Variants in ATR observed in about 807,000 individuals in gnomAD.
ATR encodes the protein ATR checkpoint kinase, also known as serine/threonine-protein kinase ATR.
A neutral mutation model predicts 305.3 loss-of-function variants in ATR; 142 were observed. The ratio of observed to expected loss-of-function variants is 0.47; its 90% CI spans 0.41 to 0.53. The LOEUF (loss-of-function observed/expected upper bound fraction) is 0.53, where lower values mean the gene tolerates loss of function less well. ATR is among the 20% of genes least tolerant of loss of function. The pLI is 0.00. For missense variants in ATR, 2,135 were observed against 3,133.1 expected (o/e 0.68, Z 7.60); for synonymous variants, 1,050 against 1,068.1 (o/e 0.98, Z 0.33).
chr3:142,493,038 C>A, intron 35 of ATR, 94 bp downstream of exon 35: 1 of 1,394,758 alleles, frequency 7.2e-7, no homozygotes. Flanking sequence ...AAAAAATTTC[C>A]TGGTTATTTT....
chr3:142,492,036 T>C (rs2031310649), intron 35 of ATR, among the ~76,000 whole-genome samples: 1 of 152,220 alleles, frequency 6.6e-6, no homozygotes, highest in Non-Finnish European at 1.5e-5. Flanking sequence ...CATTGTCAAG[T>C]TTTAGATTTT....
Position 142,473,186 on chromosome 3 carries a change from T to C in ATR, c.6222-3003A>G, listed in dbSNP as rs556393338. Among the ~76,000 whole-genome samples the C allele has an allele frequency of 1.2e-4, 18 of 152,354 alleles. 1 individual carries two copies. In the South Asian group the frequency reaches 3.5e-3, roughly 30 times the overall value. On this transcript the variant is annotated intron_variant, in intron 36 of 46. Coordinates refer to ENST00000350721, the MANE Select transcript of ATR (RefSeq NM_001184.4). ...AAAATTATTGCCCAAACCAATGCCATGAACCTTTTCCTCTATGTTTTCTTC... is the reference window on the plus strand; with the variant it reads ...AAAATTATTGCCCAAACCAATGCCACGAACCTTTTCCTCTATGTTTTCTTC...
rs755436767 is a variant in ATR at position 142,568,088 on chromosome 3, G to A, written c.126C>T (p.Asp42=). The A allele has an allele frequency of 6.2e-7, 1 of 1,611,520 alleles. No homozygotes were observed. Among genetic ancestry groups the A allele is most frequent in the Non-Finnish European group, 8.5e-7 (1 of 1,178,276 alleles). ...KPRQILCQFI[D]RILTDVNVVA... ...CAACATTTACATCTGTAAGTATCCGGTCAATGAATTGACACAGAATTTGTC... is the reference window on the plus strand; with the variant it reads ...CAACATTTACATCTGTAAGTATCCGATCAATGAATTGACACAGAATTTGTC... Residue 42 remains aspartate (D), a synonymous_variant, in exon 2 of 47, where the codon GAC becomes GAT. Coordinates refer to ENST00000350721, the MANE Select transcript of ATR (RefSeq NM_001184.4).
intron 1 of ATR, among the ~76,000 whole-genome samples, chr3:142,573,572 T>A (rs1168721926): frequency 6.6e-6 from 1 of 151,398 alleles, no homozygotes; most frequent in East Asian, 1.9e-4. Context: ...AACTTAGTGC[T>A]ATGTATCTTA....
At chr3:142,519,929 GT>G (rs1054525635) in intron 23 of ATR, 145 bp from the exon 24 acceptor site, 27 of 683,810 alleles carry the variant, frequency 3.9e-5, no homozygotes, top group Non-Finnish European at 5.6e-5. Context: ...CATGGATGCT[GT>G]TTTTTTTGTC....
rs767562431 is a variant in ATR, at chr3:142,562,519, ATGG to A, written c.880_882del (p.Pro294del). ...AATAGTGTCTTTATCAGCTTTGATA[ATGG>A]CTCTTCATAGAGTTTCAATTGGTCA... On this transcript the variant is annotated inframe_deletion, in exon 4 of 47. Transcript: ENST00000350721. 6.2e-7 allele frequency: 1 copy of A among 1,613,860 alleles called. No homozygotes were observed. Among genetic ancestry groups the A allele is most frequent in the South Asian group, 1.1e-5 (1 of 91,070 alleles).
At chr3:142,522,267 T>C (rs1206451107) in intron 23 of ATR, among the ~76,000 whole-genome samples, 1 of 152,210 alleles carries the variant, frequency 6.6e-6, no homozygotes, top group Non-Finnish European at 1.5e-5. Flanking sequence ...GACTATAGTA[T>C]AGTGTAAACA....
Position 142,505,308 on chromosome 3 carries a change from G to T in ATR, c.5032-5C>A, listed in dbSNP as rs1345635043. On this transcript the variant is annotated splice_polypyrimidine_tract_variant and splice_region_variant and intron_variant, in intron 28 of 46. Coordinates refer to ENST00000350721, the MANE Select transcript of ATR (RefSeq NM_001184.4). The stretch of plus-strand genomic sequence containing the variant: ...ATGCATAGCAGCATACAATTTCTTT[G>T]TTCAATGATTAAAAAACAATCAAAA... 1 of 1,612,758 alleles carries T rather than the reference G, an allele frequency of 6.2e-7. No individual in the cohort carries two copies. The highest frequency in any genetic ancestry group is 1.3e-5 in the African/African-American group (1 of 74,762).
intron 21 of ATR, among the ~76,000 whole-genome samples, chr3:142,528,480 A>G (rs2033489520): frequency 6.6e-6 from 1 of 152,080 alleles, no homozygotes; most frequent in Non-Finnish European, 1.5e-5. Flanking sequence ...TTTCAGCTTC[A>G]GTTCTATTTT....
At chr3:142,451,764 CTATT>C in intron 46 of ATR, 1 of 1,168,398 alleles carries the variant, frequency 8.6e-7, no homozygotes, top group South Asian at 1.8e-5. Context: ...AAAACAAAAA[CTATT>C]TGTAGAGACC....
At chr3:142,490,504 A>C (rs949802539) in intron 35 of ATR, among the ~76,000 whole-genome samples, 40 of 152,230 alleles carry the variant, frequency 2.6e-4, no homozygotes, top group African/African-American at 9.4e-4. Context: ...AAAGGTTTTA[A>C]CTTTGATGAA....
intron 36 of ATR, among the ~76,000 whole-genome samples, chr3:142,479,175 C>A (rs145694776): frequency 0.017 from 2,535 of 152,198 alleles, 22 homozygotes; most frequent in Non-Finnish European, 0.028. Context: ...GCAGTTTCTT[C>A]CTAGCATCGA....
chr3:142,527,270 C>T (rs1337454988), intron 21 of ATR, among the ~76,000 whole-genome samples: 2 of 151,956 alleles, frequency 1.3e-5, no homozygotes, highest in African/African-American at 4.8e-5. Flanking sequence ...TTCCTATACT[C>T]CAGGACAATT....
At position 142,512,309 on chromosome 3, in the gene ATR, A is replaced by G. The variant is rs2108371359; in HGVS notation, c.4803T>C (p.Ala1601=). ...WARHKFQALK[A]EKCPHSKSNR... ...TTGATTTGCTGTGTGGACATTTCTC[A>G]GCTTTCAGTGCCTGAAATTTGTGCC... Residue 1601 remains alanine, a synonymous_variant, in exon 27 of 47, where the codon GCT becomes GCC. Transcript: ENST00000350721. 1.2e-6 allele frequency: 2 copies of G among 1,613,366 alleles called. No homozygotes were observed. The highest frequency in any genetic ancestry group is 1.7e-6 in the Non-Finnish European group (2 of 1,179,922).
rs781441873 is a variant in ATR, at chr3:142,553,744, G to C, written c.2533-4C>G. The C allele has an allele frequency of 1.2e-6, 2 of 1,611,440 alleles. No individual in the cohort carries two copies. The highest frequency in any genetic ancestry group is 1.7e-5 in the Admixed American group (1 of 59,980). The stretch of plus-strand genomic sequence containing the variant: ...CCTTCATTCTTAAGACAAAAAGCTA[G>C]AACAATAAAATTAACTGGTTAAAGA... On this transcript the variant is annotated splice_region_variant and splice_polypyrimidine_tract_variant and intron_variant, in intron 11 of 46. Transcript: ENST00000350721.
At chr3:142,535,312 A>G (rs1405310850) in intron 20 of ATR, 107 bp from the exon 21 acceptor site, 2 of 1,290,592 alleles carry the variant, frequency 1.5e-6, no homozygotes, top group Non-Finnish European at 2.2e-6. Context: ...TACCAAACCA[A>G]TTTTTTAAAG....
At chr3:142,490,548 T>A (rs1168840633) in intron 35 of ATR, among the ~76,000 whole-genome samples, 1 of 152,262 alleles carries the variant, frequency 6.6e-6, no homozygotes, top group African/African-American at 2.4e-5. Context: ...AAATGCTTAA[T>A]GCTTTGTGTG....
intron 15 of ATR, among the ~76,000 whole-genome samples, 172 bp downstream of exon 15, chr3:142,549,307 A>G (rs1256662045): frequency 1.3e-5 from 2 of 152,202 alleles, no homozygotes; most frequent in African/African-American, 4.8e-5. Flanking sequence ...CAAAAGGAGA[A>G]TTCTATTTAA....
chr3:142,559,432 G>A lies in ATR; in HGVS notation c.1551C>T (p.Phe517=). 6.2e-7 allele frequency: 1 copy of A among 1,613,408 alleles called. No individual in the cohort carries two copies. The highest frequency in any genetic ancestry group is 1.7e-4 in the Middle Eastern group (1 of 5,912). The change falls in exon 7 of 47, where the codon TTC becomes TTT. Residue 517 remains phenylalanine, a synonymous_variant. Coordinates refer to ENST00000350721, the MANE Select transcript of ATR (RefSeq NM_001184.4). ...CSHQNMNCRT[F]KDCQHKSKKK... ...TCTTGGATTTATGTTGACAGTCCTT[G>A]AAAGTACGGCTGCAGTAAGTACATT...
Sources: gnomAD v4.1 joint callset for allele counts (sites outside exome capture counted in the v4.1 genomes callset) on GRCh38, gnomAD v4.1.1 for gene constraint, MANE v1.5 for transcripts, NCBI Gene and HGNC (gene_info 2026-07-23, HGNC 2026-07-21) for gene names.